P2RY12: variants seen among roughly 807,000 people sequenced by gnomAD.
P2RY12 encodes the protein P2Y purinoceptor 12.
Under a neutral mutation model 4.5 loss-of-function variants are expected in P2RY12, and 3 were observed. The ratio of observed to expected loss-of-function variants is 0.67; its 90% CI spans 0.31 to 1.74. P2RY12 has a LOEUF of 1.74. Ranked by LOEUF, P2RY12 falls within the 40% of genes most tolerant of loss-of-function variation. The probability of loss-of-function intolerance (pLI) is 0.09; values close to 1 mark genes in which losing one functional copy is unlikely to be tolerated. For synonymous variants in P2RY12, 148 were observed against 154.1 expected, an observed-to-expected ratio of 0.96 and a Z score of 0.29; for missense variants, 356 against 407.8, an observed-to-expected ratio of 0.87 and a Z score of 1.09.
chr3:151,355,310 A>G, intron 1 of P2RY12: 1 of 969,286 alleles, frequency 1.0e-6, no homozygotes, highest in Non-Finnish European at 1.6e-6. Flanking sequence ...TTCATGCAGT[A>G]TATTTTCTCA....
chr3:151,357,260 C>T, intron 1 of P2RY12: 1 of 1,613,478 alleles, frequency 6.2e-7, no homozygotes, highest in East Asian at 2.2e-5. Context: ...TCCTAAAATC[C>T]TCCAGCCTGG....
At chr3:151,358,986 A>T (rs1348405967) in intron 1 of P2RY12, among the ~76,000 whole-genome samples, 2 of 152,152 alleles carry the variant, frequency 1.3e-5, no homozygotes, top group Non-Finnish European at 2.9e-5. Context: ...TTACAAAGGT[A>T]TATTGCTTGG....
At chr3:151,354,544 T>A (rs1753681668) in intron 1 of P2RY12, among the ~76,000 whole-genome samples, 1 of 152,166 alleles carries the variant, frequency 6.6e-6, no homozygotes, top group Non-Finnish European at 1.5e-5. Flanking sequence ...TTTGATTAAG[T>A]CAAAGTGAGC....
At chr3:151,366,061 C>A in intron 1 of P2RY12, 1 of 1,292,340 alleles carries the variant, frequency 7.7e-7, no homozygotes, top group Non-Finnish European at 1.0e-6. Context: ...AATCTTTTTG[C>A]TTTTGGCTTT....
intron 1 of P2RY12, among the ~76,000 whole-genome samples, chr3:151,371,023 A>G (rs1291182232): frequency 1.3e-5 from 2 of 152,312 alleles, no homozygotes; most frequent in African/African-American, 4.8e-5. Flanking sequence ...AATGTATTCT[A>G]TTGTCAATGC....
chr3:151,366,351 G>A (rs530560791), intron 1 of P2RY12, among the ~76,000 whole-genome samples: 1 of 152,246 alleles, frequency 6.6e-6, no homozygotes. Flanking sequence ...TCTAACTAAA[G>A]CAGTTCACAT....
At chr3:151,358,798 T>C (rs759848679) in intron 1 of P2RY12, among the ~76,000 whole-genome samples, 2 of 152,206 alleles carry the variant, frequency 1.3e-5, no homozygotes, top group South Asian at 4.1e-4. Context: ...AATGTTTTTC[T>C]TATTGCTTGC....
intron 2 of P2RY12, among the ~76,000 whole-genome samples, chr3:151,339,159 A>G (rs1751453520): frequency 6.6e-6 from 1 of 152,086 alleles, no homozygotes; most frequent in African/African-American, 2.4e-5. Flanking sequence ...GCTCACTCAT[A>G]TTTATATGCA....
intron 1 of P2RY12, among the ~76,000 whole-genome samples, chr3:151,368,685 A>ATTTTTTTTTT (rs869105325): frequency 4.8e-5 from 2 of 41,384 alleles, no homozygotes; most frequent in Admixed American, 2.4e-4. Context: ...ATGTCATTTC[A>ATTTTTTTTTT]TTTTATTTCA....
At position 151,338,431 on chromosome 3, in the gene P2RY12, A is replaced by G. The variant is rs571520048; in HGVS notation, c.415T>C (p.Leu139=). 3.7e-5 allele frequency: 60 copies of G among 1,613,384 alleles called. No homozygotes were observed. In the Middle Eastern group the frequency reaches 6.6e-4, roughly 18 times the overall value. Residue 139 remains leucine, a synonymous_variant, in exon 3 of 3, where the codon TTG becomes CTG. Coordinates refer to ENST00000302632, the MANE Select transcript of P2RY12 (RefSeq NM_022788.5). ...ACAACAGAGAGAATCTTAGCCCCCAAGAGATTTTTGGGGTTGGATGTTTTA... is the reference window on the plus strand; with the variant it reads ...ACAACAGAGAGAATCTTAGCCCCCAGGAGATTTTTGGGGTTGGATGTTTTA... ...PFKTSNPKNL[L]GAKILSVVIW...
intron 1 of P2RY12, among the ~76,000 whole-genome samples, chr3:151,373,830 C>G (rs779429747): frequency 7.9e-4 from 120 of 152,240 alleles, no homozygotes; most frequent in Admixed American, 1.3e-3. Context: ...CTGGAATCAA[C>G]TATTCCTCCA....
intron 1 of P2RY12, chr3:151,350,233 C>G: frequency 1.2e-6 from 2 of 1,606,864 alleles, no homozygotes; most frequent in Non-Finnish European, 1.7e-6. Context: ...CATTTGCTCC[C>G]ATTGTGTTGC....
At position 151,378,023 on chromosome 3, in the gene P2RY12, G is replaced by A. The variant is rs1281559445; in HGVS notation, c.-180+6669C>T. On this transcript the variant is annotated intron_variant, in intron 1 of 2. Coordinates refer to ENST00000302632, the MANE Select transcript of P2RY12 (RefSeq NM_022788.5). Reference sequence around the variant, plus strand: ...GTTTCTGATTTTAGTTCCTCCGAACGCAGGGGTGTATGGTTGGTGGCCCCC... The same window carrying A: ...GTTTCTGATTTTAGTTCCTCCGAACACAGGGGTGTATGGTTGGTGGCCCCC... 6.9e-6 allele frequency: 11 copies of A among 1,603,516 alleles called. No homozygotes were observed. The highest frequency in any genetic ancestry group is 9.4e-6 in the Non-Finnish European group (11 of 1,173,776).
In P2RY12 at chr3:151,384,441, A is replaced by AT. The variant is rs574289490; in HGVS notation, c.-180+250dup. 6.6e-5 allele frequency among the ~76,000 whole-genome samples: 10 copies of AT among 152,300 alleles called. No homozygotes were observed. In the South Asian group the frequency reaches 1.9e-3, roughly 28 times the overall value. On this transcript the variant is annotated intron_variant, in intron 1 of 2. Transcript: ENST00000302632. ...ACAATTACATTATAAAACATGTTTA[A>AT]TTTTTTAAAGAACTTTAGAAATCCA...
chr3:151,375,158 T>G (rs758814504), intron 1 of P2RY12, among the ~76,000 whole-genome samples: 3 of 152,344 alleles, frequency 2.0e-5, no homozygotes, highest in African/African-American at 7.2e-5. Context: ...AAAAAATTAC[T>G]GATATTTGGG....
chr3:151,348,046 C>G (rs1560058873), intron 1 of P2RY12, among the ~76,000 whole-genome samples: 1 of 152,126 alleles, frequency 6.6e-6, no homozygotes, highest in Non-Finnish European at 1.5e-5. Context: ...TCTGTAAATA[C>G]TACTTTGATG....
chr3:151,341,670 A>C (rs1577377818), intron 1 of P2RY12, among the ~76,000 whole-genome samples: 1 of 151,558 alleles, frequency 6.6e-6, no homozygotes, highest in South Asian at 2.1e-4. Context: ...CTGGTGTGCT[A>C]CACCCATTAA....
At chr3:151,347,068 G>C (rs1032806036) in intron 1 of P2RY12, among the ~76,000 whole-genome samples, 1 of 152,126 alleles carries the variant, frequency 6.6e-6, no homozygotes, top group Non-Finnish European at 1.5e-5. Flanking sequence ...TCAAAAGCCT[G>C]ATCCTTTCCT....
At chr3:151,346,380 A>C (rs554428912) in intron 1 of P2RY12, among the ~76,000 whole-genome samples, 1 of 152,210 alleles carries the variant, frequency 6.6e-6, no homozygotes, top group Admixed American at 6.5e-5. Flanking sequence ...CTTTCCTCTC[A>C]AGCTGTTGTT....
Sources: allele counts gnomAD v4.1 joint callset (sites outside exome capture counted in the v4.1 genomes callset), GRCh38; gene constraint gnomAD v4.1.1; transcripts MANE v1.5; gene names NCBI Gene and HGNC (gene_info 2026-07-23, HGNC 2026-07-21).